The following PARD3B variants were observed in gnomAD, a reference collection of about 807,000 sequenced individuals.
PARD3B encodes the protein par-3 family cell polarity regulator beta, also known as partitioning defective 3 homolog B.
PARD3B carries 103 observed loss-of-function variants against 130.2 expected under a neutral mutation model. That is an observed-to-expected ratio of 0.79 (90% CI 0.67 to 0.93). The LOEUF (loss-of-function observed/expected upper bound fraction) is 0.93. Ranked by LOEUF, PARD3B falls within the 40% of genes least tolerant of loss-of-function variation. The pLI, the probability that PARD3B is intolerant of heterozygous loss-of-function variation, is 0.00. For missense variants in PARD3B, 1,609 were observed against 1,499.2 expected (o/e 1.07, Z -1.21); for synonymous variants, 583 against 553.2 (o/e 1.05, Z -0.76).
At chr2:205,419,375 C>A (rs1189741372) in intron 19 of PARD3B, among the ~76,000 whole-genome samples, 3 of 152,142 alleles carry the variant, frequency 2.0e-5, no homozygotes, top group Non-Finnish European at 4.4e-5. Context: ...AACTGTGAAT[C>A]TATTAAACCT....
At chr2:204,573,204 C>T (rs2032089420) in intron 1 of PARD3B, among the ~76,000 whole-genome samples, 1 of 152,228 alleles carries the variant, frequency 6.6e-6, no homozygotes, top group Non-Finnish European at 1.5e-5. Context: ...GGTCTCTATA[C>T]TCTGCAGTCT....
intron 1 of PARD3B, among the ~76,000 whole-genome samples, chr2:204,614,467 T>C (rs1312540633): frequency 1.3e-5 from 2 of 152,192 alleles, no homozygotes; most frequent in African/African-American, 2.4e-5. Flanking sequence ...ATGTGAGTTA[T>C]ATCTACTAAT....
rs181903074 is a variant in PARD3B, at chr2:204,601,616, T to C, written c.120+55497T>C. 2.6e-5 allele frequency among the ~76,000 whole-genome samples: 4 copies of C among 151,342 alleles called. No homozygotes were observed. In the East Asian group the frequency reaches 7.8e-4, roughly 29 times the overall value. On this transcript the variant is annotated intron_variant, in intron 1 of 22. Transcript: ENST00000406610. ...AGTGCTTTAATATGTAGATCTCTTG[T>C]TACAAGAAAAACAATCAATGTAGAG... is the stretch of plus-strand genomic sequence containing the variant.
intron 11 of PARD3B, among the ~76,000 whole-genome samples, chr2:205,164,097 A>G (rs2034664665): frequency 6.6e-6 from 1 of 152,228 alleles, no homozygotes; most frequent in South Asian, 2.1e-4. Context: ...CTTTGCCTGG[A>G]AATATACATA....
At chr2:205,306,191 C>A (rs1038259197) in intron 18 of PARD3B, among the ~76,000 whole-genome samples, 1 of 152,300 alleles carries the variant, frequency 6.6e-6, no homozygotes, top group East Asian at 1.9e-4. Flanking sequence ...GAAATGGATT[C>A]TCTCTGGGGA....
chr2:205,289,919 G>T (rs1238119976), intron 16 of PARD3B, among the ~76,000 whole-genome samples: 1 of 152,100 alleles, frequency 6.6e-6, no homozygotes, highest in African/African-American at 2.4e-5. Flanking sequence ...CTAAACCTTG[G>T]CCTCCCCAGT....
chr2:204,957,598 C>G (rs370758471), intron 2 of PARD3B, among the ~76,000 whole-genome samples: 9 of 152,062 alleles, frequency 5.9e-5, no homozygotes, highest in African/African-American at 2.2e-4. Flanking sequence ...TAATGTGAGC[C>G]TGCTAATTTT....
intron 22 of PARD3B, among the ~76,000 whole-genome samples, chr2:205,582,587 C>T (rs2054027157): frequency 6.6e-6 from 1 of 151,726 alleles, no homozygotes. Flanking sequence ...ATTCTCTAGA[C>T]TAGATTATTG....
At chr2:205,104,131 A>G (rs1258596862) in intron 4 of PARD3B, among the ~76,000 whole-genome samples, 1 of 152,190 alleles carries the variant, frequency 6.6e-6, no homozygotes, top group Non-Finnish European at 1.5e-5. Flanking sequence ...TCTGGTTTAA[A>G]ACACTCAATC....
chr2:205,614,539 CA>C (rs944399493), intron 22 of PARD3B, among the ~76,000 whole-genome samples: 2 of 149,946 alleles, frequency 1.3e-5, no homozygotes, highest in Admixed American at 6.6e-5. Context: ...CCCATCTCTA[CA>C]AAAAAAAATA....
intron 18 of PARD3B, among the ~76,000 whole-genome samples, chr2:205,339,952 GA>G (rs71410810): frequency 0.59 from 90,284 of 151,858 alleles, 30,536 homozygotes; most frequent in South Asian, 0.77. Flanking sequence ...CAATAAACAG[GA>G]AAATGTATCT....
chr2:204,614,104 C>G (rs546073480), intron 1 of PARD3B, among the ~76,000 whole-genome samples: 20 of 152,038 alleles, frequency 1.3e-4, no homozygotes, highest in African/African-American at 4.6e-4. Flanking sequence ...AACCATTAGT[C>G]TCATGACCTT....
intron 20 of PARD3B, among the ~76,000 whole-genome samples, chr2:205,456,160 A>G (rs1322359610): frequency 6.6e-6 from 1 of 152,060 alleles, no homozygotes; most frequent in Admixed American, 6.6e-5. Flanking sequence ...CCATGTATGG[A>G]TGCACTATTT....
At chr2:205,270,271 A>C (rs1247810490) in intron 16 of PARD3B, among the ~76,000 whole-genome samples, 1 of 152,162 alleles carries the variant, frequency 6.6e-6, no homozygotes, top group African/African-American at 2.4e-5. Context: ...AGATAACAGA[A>C]AGCCCTACTA....
At chr2:205,522,504 AAAATT>A (rs1244392139) in intron 21 of PARD3B, among the ~76,000 whole-genome samples, 33 of 152,264 alleles carry the variant, frequency 2.2e-4, no homozygotes, top group Admixed American at 1.2e-3. Context: ...GTCGTTAAAA[AAAATT>A]AAATTAATTA....
At chr2:204,775,657 T>C (rs1161538093) in intron 2 of PARD3B, among the ~76,000 whole-genome samples, 2 of 152,150 alleles carry the variant, frequency 1.3e-5, no homozygotes, top group Non-Finnish European at 2.9e-5. Flanking sequence ...CTTCTGAGTC[T>C]ACTAAAGCAT....
chr2:204,630,684 T>C (rs1454452727), intron 1 of PARD3B, among the ~76,000 whole-genome samples: 1 of 152,172 alleles, frequency 6.6e-6, no homozygotes, highest in African/African-American at 2.4e-5. Context: ...CTATTAATGC[T>C]CACATTTACA....
At chr2:205,556,978 T>C (rs1414872068) in intron 22 of PARD3B, among the ~76,000 whole-genome samples, 3 of 152,158 alleles carry the variant, frequency 2.0e-5, no homozygotes, top group Admixed American at 1.3e-4. Flanking sequence ...CACTGAACTC[T>C]CCACTCTTCC....
chr2:205,556,529 C>T (rs941422852), intron 22 of PARD3B, among the ~76,000 whole-genome samples: 2 of 152,208 alleles, frequency 1.3e-5, no homozygotes, highest in Non-Finnish European at 2.9e-5. Flanking sequence ...CAATTCCCAG[C>T]ACTTGGTAGT....
Sources: gnomAD v4.1 joint callset for allele counts (sites outside exome capture counted in the v4.1 genomes callset) on GRCh38, gnomAD v4.1.1 for gene constraint, MANE v1.5 for transcripts, NCBI Gene and HGNC (gene_info 2026-07-23, HGNC 2026-07-21) for gene names.